The following POFUT3 variants were observed in gnomAD, a reference collection of about 807,000 sequenced individuals.
POFUT3 encodes protein O-fucosyltransferase 3.
At chr8:33,469,803 C>CTTTTTT in the POFUT3 span, among the ~76,000 whole-genome samples, 42 of 108,776 alleles carry the variant, frequency 3.9e-4, 5 homozygotes, top group Admixed American at 6.1e-4. Context: ...TTTACTTTTT[C>CTTTTTT]TTTTTTTTTT....
the POFUT3 span, among the ~76,000 whole-genome samples, chr8:33,314,533 T>C: frequency 6.6e-6 from 1 of 152,204 alleles, no homozygotes; most frequent in Non-Finnish European, 1.5e-5. Context: ...AAATAGTAGC[T>C]ACTTTCCAAG....
the POFUT3 span, among the ~76,000 whole-genome samples, chr8:33,402,852 A>C: frequency 6.6e-6 from 1 of 152,114 alleles, no homozygotes; most frequent in East Asian, 1.9e-4. Flanking sequence ...TAAGCCCAGG[A>C]GTTTGAGATC....
chr8:33,451,505 T>C, the POFUT3 span, among the ~76,000 whole-genome samples: 4 of 152,210 alleles, frequency 2.6e-5, no homozygotes, highest in African/African-American at 9.6e-5. Flanking sequence ...TATGTAGATG[T>C]ATATGTGTGT....
chr8:33,348,157 C>G, the POFUT3 span, among the ~76,000 whole-genome samples: 2 of 131,184 alleles, frequency 1.5e-5, no homozygotes, highest in Non-Finnish European at 3.1e-5. Context: ...GGTGACAGAG[C>G]AAGACTCTGC....
At chr8:33,383,472 G>C in the POFUT3 span, among the ~76,000 whole-genome samples, 1 of 152,152 alleles carries the variant, frequency 6.6e-6, no homozygotes, top group African/African-American at 2.4e-5. Flanking sequence ...TATATACCAA[G>C]AGAAGCAGCA....
the POFUT3 span, among the ~76,000 whole-genome samples, chr8:33,411,713 G>A: frequency 4.6e-5 from 7 of 152,172 alleles, 1 homozygote; most frequent in Non-Finnish European, 7.3e-5. Context: ...ACTTGAACCC[G>A]GGAGGTGGAG....
the POFUT3 span, among the ~76,000 whole-genome samples, chr8:33,421,348 CTA>C: frequency 6.6e-6 from 1 of 152,128 alleles, no homozygotes; most frequent in Non-Finnish European, 1.5e-5. Context: ...ATTTCATAAA[CTA>C]GAAATTTAAC....
chr8:33,340,742 G>A, the POFUT3 span, among the ~76,000 whole-genome samples: 4 of 152,070 alleles, frequency 2.6e-5, no homozygotes, highest in Non-Finnish European at 5.9e-5. Flanking sequence ...AAAAGACATA[G>A]TAATCCTAAG....
the POFUT3 span, among the ~76,000 whole-genome samples, chr8:33,323,567 G>A: frequency 2.0e-5 from 3 of 152,152 alleles, no homozygotes; most frequent in African/African-American, 7.2e-5. Flanking sequence ...CAAGTCAGAT[G>A]CCTTGGAGTA....
At chr8:33,416,647 A>C in the POFUT3 span, among the ~76,000 whole-genome samples, 6 of 152,022 alleles carry the variant, frequency 3.9e-5, no homozygotes, top group African/African-American at 4.8e-5. Context: ...GGAGTTCAAG[A>C]CCAACCTGGC....
chr8:33,364,430 G>A, the POFUT3 span, among the ~76,000 whole-genome samples: 1 of 152,060 alleles, frequency 6.6e-6, no homozygotes, highest in Non-Finnish European at 1.5e-5. Flanking sequence ...AGGGCAATCG[G>A]GCAAGAGAAA....
chr8:33,444,103 G>T, the POFUT3 span, among the ~76,000 whole-genome samples: 12,389 of 151,860 alleles, frequency 0.082, 652 homozygotes, highest in African/African-American at 0.15. Flanking sequence ...AGTCACCAAA[G>T]GAGTAAGAGG....
the POFUT3 span, among the ~76,000 whole-genome samples, chr8:33,430,616 G>A: frequency 6.6e-6 from 1 of 152,096 alleles, no homozygotes; most frequent in Admixed American, 6.6e-5. Flanking sequence ...TTTGTATTTT[G>A]AGACAAAGCT....
chr8:33,372,805 C>T, the POFUT3 span: 10 of 1,612,048 alleles, frequency 6.2e-6, no homozygotes, highest in South Asian at 7.7e-5. Context: ...GTGGTAAGCC[C>T]TGCAGGAAGA....
the POFUT3 span, chr8:33,436,258 C>T: frequency 8.8e-6 from 12 of 1,361,784 alleles, no homozygotes; most frequent in African/African-American, 1.0e-4. Flanking sequence ...AACAACAGCT[C>T]GGAATTTCAG....
chr8:33,344,680 G>T, the POFUT3 span, among the ~76,000 whole-genome samples: 2 of 152,214 alleles, frequency 1.3e-5, no homozygotes, highest in Non-Finnish European at 2.9e-5. Context: ...ACAGACGAAG[G>T]TTGTGATACA....
the POFUT3 span, among the ~76,000 whole-genome samples, chr8:33,331,292 C>T: frequency 6.6e-6 from 1 of 151,574 alleles, no homozygotes; most frequent in Non-Finnish European, 1.5e-5. Flanking sequence ...TGAGATCGCG[C>T]CATTGCACTC....
the POFUT3 span, among the ~76,000 whole-genome samples, chr8:33,308,391 A>G: frequency 6.6e-6 from 1 of 152,204 alleles, no homozygotes; most frequent in Non-Finnish European, 1.5e-5. Flanking sequence ...GCTAATGGTA[A>G]GAATGCAGTC....
chr8:33,452,076 T>C, the POFUT3 span: 13 of 141,786 alleles, frequency 9.2e-5, no homozygotes, highest in African/African-American at 3.2e-4. Context: ...TATGCATGTA[T>C]ATATGTGTAT....
Sources: allele counts gnomAD v4.1 joint callset (sites outside exome capture counted in the v4.1 genomes callset), GRCh38; gene constraint gnomAD v4.1.1; transcripts MANE v1.5; gene names NCBI Gene and HGNC (gene_info 2026-07-23, HGNC 2026-07-21).